SERPINA11: variants seen among roughly 807,000 people sequenced by gnomAD.
The protein encoded by SERPINA11 is serpin A11.
A neutral mutation model predicts 29.4 loss-of-function variants in SERPINA11; 28 were observed. That is an observed-to-expected ratio of 0.95 (90% CI 0.70 to 1.30). The LOEUF (loss-of-function observed/expected upper bound fraction) is 1.30, where lower values mean the gene tolerates loss of function less well. Ranked by LOEUF, SERPINA11 falls within the 50% of genes most tolerant of loss-of-function variation. The pLI is 0.00. For missense variants in SERPINA11, 530 were observed against 507.3 expected (o/e 1.04, Z -0.43); for synonymous variants, 253 against 206.6 (o/e 1.22, Z -1.92).
rs1350290161 is a variant in SERPINA11, at chr14:94,442,733, G to A, written c.1142C>T (p.Pro381Leu). ...AGAASGLLSQPPSLNTMSDPH... is the reference protein window; with the variant it reads ...AGAASGLLSQLPSLNTMSDPH... ...GTCTGACATGGTGTTCAGAGATGGG[G>A]GCTGGGAGAGGAGGCCTGAAGCAGC... The change falls in exon 5 of 5, where the codon CCC becomes CTC. Residue 381 changes from proline (P) to leucine (L), a missense_variant. Pro to Leu is a moderately conservative substitution (Grantham distance 98). Coordinates refer to ENST00000334708, the MANE Select transcript of SERPINA11 (RefSeq NM_001080451.2). 2.5e-6 allele frequency: 4 copies of A among 1,613,674 alleles called. No individual in the cohort carries two copies. Among genetic ancestry groups the A allele is most frequent in the Non-Finnish European group, 3.4e-6 (4 of 1,179,922 alleles).
intron 3 of SERPINA11, among the ~76,000 whole-genome samples, chr14:94,445,445 G>A (rs1898415450): frequency 6.6e-6 from 1 of 152,162 alleles, no homozygotes. Context: ...CATAAAGCAA[G>A]TGAGATGGGA....
At position 94,446,665 on chromosome 14, in the gene SERPINA11, A is replaced by G. The variant is rs1898445968; in HGVS notation, c.644-61T>C. The G allele has an allele frequency of 3.3e-6, 5 of 1,504,270 alleles. No individual in the cohort carries two copies. The Admixed American group carries it at 1.0e-4, about 30-fold the overall frequency. The allele number at this position is 1,504,270 out of a possible 1,614,324, so 93.2% of individuals were successfully genotyped here. A position where few individuals can be genotyped will look rare whatever the true frequency, so the allele number is the denominator to read the frequency against. On this transcript the variant is annotated intron_variant, in intron 2 of 4. Coordinates refer to ENST00000334708, the MANE Select transcript of SERPINA11 (RefSeq NM_001080451.2). ...TTTTCAAGAGAGCAACTCTGGGTAG[A>G]CACACACAAAACCACAGTTCCTCTT...
At position 94,442,642 on chromosome 14, in the gene SERPINA11, G is replaced by C; in HGVS notation, c.1233C>G (p.Leu411=). ...CTGGGTTGACAACTTTTCCCAGGAA[G>C]AGTAAGCTCTGGGTGGTGACCTCCC... is the stretch of plus-strand genomic sequence containing the variant. ...LLWEVTTQSL[L]FLGKVVNPVA... Residue 411 remains leucine (L), a synonymous_variant, in exon 5 of 5, where the codon CTC becomes CTG. Transcript: ENST00000334708. The C allele has an allele frequency of 6.2e-7, 1 of 1,611,930 alleles. No homozygotes were observed. The highest frequency in any genetic ancestry group is 8.5e-7 in the Non-Finnish European group (1 of 1,179,046).
chr14:94,443,042 C>G (rs758697884), intron 4 of SERPINA11, 36 bp downstream of exon 4: 3 of 1,585,918 alleles, frequency 1.9e-6, no homozygotes, highest in Non-Finnish European at 1.7e-6. Context: ...CTACCTACCC[C>G]CACCTGCCCA....
In SERPINA11 at chr14:94,448,403, G is replaced by A. The variant is rs114850382; in HGVS notation, c.372C>T (p.His124=). 7.8e-5 allele frequency: 126 copies of A among 1,614,228 alleles called. No individual in the cohort carries two copies. In the African/African-American group the frequency reaches 8.5e-4, roughly 11 times the overall value. Residue 124 remains histidine (H), a synonymous_variant, in exon 2 of 5, where the codon CAC becomes CAT. Coordinates refer to ENST00000334708, the MANE Select transcript of SERPINA11 (RefSeq NM_001080451.2). ...GTTTGGGGCTGGGCAGGGCAAGGGTGTGGAGGAGGCTCCGGAAGCCCTGGT... is the reference window on the plus strand; with the variant it reads ...GTTTGGGGCTGGGCAGGGCAAGGGTATGGAGGAGGCTCCGGAAGCCCTGGT... ...DIHQGFRSLL[H]TLALPSPKLE... is the part of the protein sequence containing the mutation.
chr14:94,442,896 G>C (rs1404653043), intron 4 of SERPINA11, 87 bp from the exon 5 acceptor site: 1 of 1,336,648 alleles, frequency 7.5e-7, no homozygotes, highest in East Asian at 2.3e-5. Context: ...GAATAGAAGG[G>C]ACCTAAGGAA....
rs1176378355 is a variant in SERPINA11 at position 94,449,499 on chromosome 14, TTC to T, written c.-3-724_-3-723del. Among the ~76,000 whole-genome samples the T allele has an allele frequency of 4.1e-3, 426 of 103,578 alleles. 48 individuals carry two copies. The highest frequency in any genetic ancestry group is 0.021 in the African/African-American group (368 of 17,478). 68.0% of individuals were successfully genotyped at this position (103,578 alleles called of 152,430 possible). A position where few individuals can be genotyped will look rare whatever the true frequency, so the allele number is the denominator to read the frequency against. ...TTTCTTTCTGTCTGTCTGTCTTTCT[TTC>T]TCTTTCTTTTTCTTTCTTTCTTTCT... On this transcript the variant is annotated intron_variant, in intron 1 of 4. Coordinates refer to ENST00000334708, the MANE Select transcript of SERPINA11 (RefSeq NM_001080451.2).
rs115700005 is a variant in SERPINA11 at position 94,448,436 on chromosome 14, G to A, written c.339C>T (p.Ala113=). 11 of 1,614,026 alleles carry A rather than the reference G, an allele frequency of 6.8e-6. No homozygotes were observed. The highest frequency in any genetic ancestry group is 1.6e-4 in the Middle Eastern group (1 of 6,084). Residue 113 remains alanine, a synonymous_variant, in exon 2 of 5, where the codon GCC becomes GCT. Coordinates refer to ENST00000334708, the MANE Select transcript of SERPINA11 (RefSeq NM_001080451.2). ...GGCTCCGGAAGCCCTGGTGGATGTCGGCTTCAGGGGTTTCTGTGAGGTTGA... is the reference window on the plus strand; with the variant it reads ...GGCTCCGGAAGCCCTGGTGGATGTCAGCTTCAGGGGTTTCTGTGAGGTTGA... ...LGFNLTETPE[A]DIHQGFRSLL...
chr14:94,452,021 T>G (rs1327209313), intron 1 of SERPINA11, among the ~76,000 whole-genome samples: 1 of 152,144 alleles, frequency 6.6e-6, no homozygotes, highest in African/African-American at 2.4e-5. Context: ...GGGAGGGCTG[T>G]GTGTAAAGGA....
intron 1 of SERPINA11, among the ~76,000 whole-genome samples, chr14:94,451,896 T>C (rs1898593662): frequency 6.6e-6 from 1 of 152,166 alleles, no homozygotes; most frequent in African/African-American, 2.4e-5. Flanking sequence ...TCCAGAAAGA[T>C]CCCAGAGGAA....
intron 2 of SERPINA11, among the ~76,000 whole-genome samples, chr14:94,447,710 A>C (rs765584536): frequency 2.0e-5 from 3 of 152,144 alleles, no homozygotes; most frequent in Non-Finnish European, 4.4e-5. Flanking sequence ...AATTTGTTTC[A>C]GTTCTTTGAA....
Position 94,446,402 on chromosome 14 carries a change from C to T in SERPINA11, c.846G>A (p.Gly282=). 6.2e-7 allele frequency: 1 copy of T among 1,614,032 alleles called. No individual in the cohort carries two copies. Among genetic ancestry groups the T allele is most frequent in the Admixed American group, 1.7e-5 (1 of 60,022 alleles). ...GAGCAGCCTCCACCTGCTTCATTTTCCCCGGGTCAGGGAGGACCAGCAGCG... is the reference window on the plus strand; with the variant it reads ...GAGCAGCCTCCACCTGCTTCATTTTTCCCGGGTCAGGGAGGACCAGCAGCG... ...ALALLVLPDP[G]KMKQVEAALQ... is the part of the protein sequence containing the mutation. Residue 282 remains glycine (G), a synonymous_variant, in exon 3 of 5, where the codon GGG becomes GGA. Coordinates refer to ENST00000334708, the MANE Select transcript of SERPINA11 (RefSeq NM_001080451.2).
chr14:94,450,554 C>G (rs1898569034), intron 1 of SERPINA11, among the ~76,000 whole-genome samples: 1 of 152,202 alleles, frequency 6.6e-6, no homozygotes, highest in South Asian at 2.1e-4. Context: ...AGGCACCAAC[C>G]CTGTCAACCC....
chr14:94,449,063 A>C (rs1323054918), intron 1 of SERPINA11, among the ~76,000 whole-genome samples: 1 of 152,086 alleles, frequency 6.6e-6, no homozygotes, highest in African/African-American at 2.4e-5. Flanking sequence ...AACAATGGCA[A>C]CTCCTGGCCA....
intron 3 of SERPINA11, among the ~76,000 whole-genome samples, chr14:94,445,260 A>C (rs10143117): frequency 0.019 from 2,911 of 152,274 alleles, 96 homozygotes; most frequent in African/African-American, 0.065. Flanking sequence ...TGATTGTCTT[A>C]AGTCATTCGG....
chr14:94,450,658 C>T (rs149033202), intron 1 of SERPINA11, among the ~76,000 whole-genome samples: 5 of 152,218 alleles, frequency 3.3e-5, no homozygotes, highest in Non-Finnish European at 5.9e-5. Flanking sequence ...ATAGCCCTTG[C>T]AAACTAATGT....
Position 94,448,293 on chromosome 14 carries a change from T to A in SERPINA11, c.482A>T (p.Tyr161Phe). ...QHYLDSIKEL[Y>F]GAFAFSANFT... ...GTTGGCAGAAAAAGCAAAAGCTCCATAAAGCTCCTTGATGCTGTCCAAATA... is the reference window on the plus strand; with the variant it reads ...GTTGGCAGAAAAAGCAAAAGCTCCAAAAAGCTCCTTGATGCTGTCCAAATA... Residue 161 changes from tyrosine to phenylalanine, a missense_variant, in exon 2 of 5, where the codon TAT (tyrosine) becomes TTT (phenylalanine). By Grantham distance (22) the Tyr-to-Phe change is conservative. Transcript: ENST00000334708. The A allele has an allele frequency of 4.3e-6, 7 of 1,614,232 alleles. No individual in the cohort carries two copies. The highest frequency in any genetic ancestry group is 5.9e-6 in the Non-Finnish European group (7 of 1,180,040).
chr14:94,449,409 CTT>C (rs1205170957), intron 1 of SERPINA11, among the ~76,000 whole-genome samples: 2 of 15,578 alleles, frequency 1.3e-4, no homozygotes, highest in African/African-American at 4.2e-4. Flanking sequence ...TCTTTCTATT[CTT>C]TCTTTCTTTC....
At position 94,448,482 on chromosome 14, in the gene SERPINA11, A is replaced by G. The variant is rs756056219; in HGVS notation, c.293T>C (p.Leu98Pro). 1 of 1,614,042 alleles carries G rather than the reference A, an allele frequency of 6.2e-7. No individual in the cohort carries two copies. The highest frequency in any genetic ancestry group is 2.2e-5 in the East Asian group (1 of 44,886). The stretch of plus-strand genomic sequence containing the variant: ...GTTGAATCCCAGGCCCTCCAGGATC[A>G]GAGCTGAGGTGTTAGCTTGGGCCCC... ...SLGAQANTSALILEGLGFNLT... is the reference protein window; with the variant it reads ...SLGAQANTSAPILEGLGFNLT... The change falls in exon 2 of 5, where the codon CTG becomes CCG. Residue 98 changes from leucine to proline, a missense_variant. Leu to Pro is a moderately conservative substitution (Grantham distance 98). Transcript: ENST00000334708.
Sources: gnomAD v4.1 joint callset for allele counts (sites outside exome capture counted in the v4.1 genomes callset) on GRCh38, gnomAD v4.1.1 for gene constraint, MANE v1.5 for transcripts, NCBI Gene and HGNC (gene_info 2026-07-23, HGNC 2026-07-21) for gene names.